The following NCAM2 variants were observed in gnomAD, a reference collection of about 807,000 sequenced individuals.
The protein encoded by NCAM2 is N-CAM-2.
In NCAM2, 30 loss-of-function variants were observed where a neutral mutation model predicts 98.1. The observed-to-expected ratio is 0.31, with a 90% CI of 0.23 to 0.41. NCAM2 has a LOEUF of 0.41. NCAM2 is among the 10% of genes least tolerant of loss of function. The pLI is 1.00. For missense variants in NCAM2, 867 were observed against 1,005.8 expected, an observed-to-expected ratio of 0.86 and a Z score of 1.87; for synonymous variants, 368 against 342.4, an observed-to-expected ratio of 1.07 and a Z score of -0.83.
chr21:21,004,900 C>T (rs2064083799), intron 1 of NCAM2, among the ~76,000 whole-genome samples: 1 of 152,100 alleles, frequency 6.6e-6, no homozygotes, highest in Non-Finnish European at 1.5e-5. Flanking sequence ...AGGACATCAC[C>T]TTGCCATTCA....
At chr21:21,366,381 T>A (rs572589708) in intron 8 of NCAM2, among the ~76,000 whole-genome samples, 3 of 152,214 alleles carry the variant, frequency 2.0e-5, no homozygotes, top group African/African-American at 7.2e-5. Context: ...GTACTAATTA[T>A]ATCACTGATT....
intron 1 of NCAM2, among the ~76,000 whole-genome samples, chr21:21,010,823 C>T (rs754138404): frequency 2.6e-5 from 4 of 151,992 alleles, no homozygotes; most frequent in Admixed American, 6.6e-5. Context: ...ATTAGAACTC[C>T]GAAACACATT....
At chr21:21,415,143 A>AAGT (rs2076963980) in intron 10 of NCAM2, among the ~76,000 whole-genome samples, 2 of 152,000 alleles carry the variant, frequency 1.3e-5, no homozygotes, top group Non-Finnish European at 2.9e-5. Context: ...GCTTGAACTT[A>AAGT]AGTCACTAGC....
chr21:21,396,576 C>A lies in NCAM2; in HGVS notation c.1196-13698C>A, dbSNP rs554890318. On this transcript the variant is annotated intron_variant, in intron 9 of 17. Coordinates refer to ENST00000400546, the MANE Select transcript of NCAM2 (RefSeq NM_004540.5). ...AGATCCCATACCCGCCAAGGGTGAA[C>A]CAGGTGGGGAGTGGTGAGGGGTGTA... Among the ~76,000 whole-genome samples, 225 of 152,228 alleles carry A rather than the reference C, an allele frequency of 1.5e-3. 2 individuals carry two copies. The highest frequency in any genetic ancestry group is 5.2e-3 in the African/African-American group (217 of 41,558).
At chr21:21,098,792 G>A (rs375714599) in intron 1 of NCAM2, among the ~76,000 whole-genome samples, 2 of 151,796 alleles carry the variant, frequency 1.3e-5, no homozygotes, top group African/African-American at 4.8e-5. Flanking sequence ...CATTTTTTAA[G>A]TACATATCCT....
intron 10 of NCAM2, among the ~76,000 whole-genome samples, chr21:21,412,228 C>G (rs889820653): frequency 6.6e-6 from 1 of 152,148 alleles, no homozygotes; most frequent in African/African-American, 2.4e-5. Flanking sequence ...CTCACATGCC[C>G]TTTCCTCTGT....
At chr21:21,036,359 A>C (rs8130806) in intron 1 of NCAM2, among the ~76,000 whole-genome samples, 145,844 of 152,210 alleles carry the variant, frequency 0.96, 70,193 homozygotes, top group East Asian at 1. Context: ...TTTCTCTCCC[A>C]TCATTTACCT....
At chr21:21,319,429 T>G (rs1337026655) in intron 5 of NCAM2, among the ~76,000 whole-genome samples, 1 of 151,958 alleles carries the variant, frequency 6.6e-6, no homozygotes, top group Admixed American at 6.6e-5. Context: ...GATCACGAGG[T>G]CAAGAGTTTG....
At chr21:21,482,258 A>C (rs1985959513) in intron 15 of NCAM2, among the ~76,000 whole-genome samples, 1 of 152,168 alleles carries the variant, frequency 6.6e-6, no homozygotes, top group Admixed American at 6.6e-5. Context: ...ATGATGGGGA[A>C]TTTGAGAACC....
intron 9 of NCAM2, among the ~76,000 whole-genome samples, chr21:21,398,345 C>T (rs568848489): frequency 4.3e-4 from 66 of 152,104 alleles, no homozygotes; most frequent in South Asian, 8.3e-4. Flanking sequence ...CACCAAAATC[C>T]CACAAATCAG....
intron 14 of NCAM2, among the ~76,000 whole-genome samples, chr21:21,472,392 G>T (rs1984556569): frequency 6.6e-6 from 1 of 151,892 alleles, no homozygotes; most frequent in Non-Finnish European, 1.5e-5. Flanking sequence ...TGGTTCTTAA[G>T]AAAACATTTT....
At chr21:21,017,424 C>CAAA (rs11461275) in intron 1 of NCAM2, among the ~76,000 whole-genome samples, 3,586 of 58,652 alleles carry the variant, frequency 0.061, 673 homozygotes, top group Non-Finnish European at 0.068. Flanking sequence ...GACTCTGTCT[C>CAAA]AAAAAAAAAA....
intron 1 of NCAM2, among the ~76,000 whole-genome samples, chr21:21,174,741 A>AAAAT (rs900586809): frequency 6.6e-6 from 1 of 152,182 alleles, no homozygotes; most frequent in Non-Finnish European, 1.5e-5. Context: ...AAATTAAAAA[A>AAAAT]AAATAAATAA....
chr21:21,182,746 A>G (rs1424180373), intron 1 of NCAM2, among the ~76,000 whole-genome samples: 3 of 152,138 alleles, frequency 2.0e-5, no homozygotes, highest in African/African-American at 4.8e-5. Context: ...TGGAAAGGCA[A>G]TATCTTTCTA....
intron 15 of NCAM2, among the ~76,000 whole-genome samples, chr21:21,490,541 C>T (rs1986763398): frequency 6.6e-6 from 1 of 151,810 alleles, no homozygotes; most frequent in Admixed American, 6.6e-5. Context: ...TAATGAGACA[C>T]AACTTCAGTT....
intron 9 of NCAM2, among the ~76,000 whole-genome samples, chr21:21,400,539 A>T (rs569914479): frequency 6.6e-6 from 1 of 151,824 alleles, no homozygotes; most frequent in African/African-American, 2.4e-5. Context: ...ATTTACCCTC[A>T]TGTAGTCTCT....
At chr21:21,355,692 T>C (rs2075458655) in intron 8 of NCAM2, among the ~76,000 whole-genome samples, 1 of 151,602 alleles carries the variant, frequency 6.6e-6, no homozygotes, top group African/African-American at 2.4e-5. Context: ...CTCGGCTCAC[T>C]GCAACCTCTG....
intron 9 of NCAM2, among the ~76,000 whole-genome samples, chr21:21,390,040 G>A (rs2076348136): frequency 6.6e-6 from 1 of 152,104 alleles, no homozygotes; most frequent in Non-Finnish European, 1.5e-5. Flanking sequence ...AGTAGCGACA[G>A]GCTTTGACCA....
At chr21:21,373,174 T>G (rs892551538) in intron 8 of NCAM2, among the ~76,000 whole-genome samples, 2 of 151,830 alleles carry the variant, frequency 1.3e-5, no homozygotes, top group African/African-American at 4.8e-5. Context: ...TCCTAGAAAT[T>G]TAAGTGACTT....
Sources: allele counts gnomAD v4.1 joint callset (sites outside exome capture counted in the v4.1 genomes callset), GRCh38; gene constraint gnomAD v4.1.1; transcripts MANE v1.5; gene names NCBI Gene and HGNC (gene_info 2026-07-23, HGNC 2026-07-21).